Variants in PTN observed in about 807,000 individuals in gnomAD.
PTN encodes the protein heparin affin regulatory protein.
A neutral mutation model predicts 24.1 loss-of-function variants in PTN; 18 were observed. The ratio of observed to expected loss-of-function variants is 0.75; its 90% CI spans 0.52 to 1.11. The LOEUF (loss-of-function observed/expected upper bound fraction) is 1.11. PTN is among the 50% of genes least tolerant of loss of function. The pLI, the probability that PTN is intolerant of heterozygous loss-of-function variation, is 0.00. For synonymous variants in PTN, 78 were observed against 68.6 expected, an observed-to-expected ratio of 1.14 and a Z score of -0.67; for missense variants, 163 against 198.8, an observed-to-expected ratio of 0.82 and a Z score of 1.08.
chr7:137,300,953 C>T (rs765415470), intron 1 of PTN, among the ~76,000 whole-genome samples: 2 of 151,930 alleles, frequency 1.3e-5, no homozygotes, highest in Non-Finnish European at 2.9e-5. Context: ...CATCCTTCCA[C>T]CTCTACCTTA....
chr7:137,283,787 T>C (rs1809509265), intron 1 of PTN, among the ~76,000 whole-genome samples: 2 of 152,056 alleles, frequency 1.3e-5, no homozygotes, highest in Non-Finnish European at 2.9e-5. Context: ...TTCTGATCAC[T>C]CACTGTATCC....
chr7:137,283,074 TC>T (rs1274621673), intron 1 of PTN, among the ~76,000 whole-genome samples: 1 of 152,020 alleles, frequency 6.6e-6, no homozygotes, highest in East Asian at 1.9e-4. Flanking sequence ...CACTCCCACC[TC>T]CACTCCACAA....
chr7:137,309,430 A>T (rs1809945094), intron 1 of PTN, among the ~76,000 whole-genome samples: 1 of 152,080 alleles, frequency 6.6e-6, no homozygotes, highest in South Asian at 2.1e-4. Context: ...TGGCTGTGGC[A>T]ATTTCTTAAA....
At chr7:137,306,446 G>A (rs757191220) in intron 1 of PTN, among the ~76,000 whole-genome samples, 3 of 152,062 alleles carry the variant, frequency 2.0e-5, no homozygotes, top group Non-Finnish European at 4.4e-5. Flanking sequence ...TGGAGTGAGA[G>A]GCCATCCATA....
intron 1 of PTN, among the ~76,000 whole-genome samples, chr7:137,276,052 A>T (rs1809354626): frequency 6.6e-6 from 1 of 152,224 alleles, no homozygotes; most frequent in Admixed American, 6.5e-5. Context: ...TTTGGGAGGA[A>T]GTAACAAATA....
chr7:137,327,674 C>G (rs1420597371), intron 1 of PTN, among the ~76,000 whole-genome samples: 6 of 152,088 alleles, frequency 3.9e-5, no homozygotes, highest in African/African-American at 1.2e-4. Context: ...ATGCAGCCAC[C>G]CTTTTCCACT....
At chr7:137,278,270 G>A (rs1404414283) in intron 1 of PTN, among the ~76,000 whole-genome samples, 6 of 123,832 alleles carry the variant, frequency 4.8e-5, no homozygotes, top group African/African-American at 6.5e-5. Flanking sequence ...TCGCGCCACT[G>A]CACTCCAGCC....
intron 1 of PTN, among the ~76,000 whole-genome samples, chr7:137,317,627 G>A (rs1334812959): frequency 2.6e-5 from 4 of 152,208 alleles, no homozygotes; most frequent in Middle Eastern, 3.4e-3. Context: ...TATTTTGATC[G>A]TGTGTTTATT....
At chr7:137,312,428 A>T (rs1012282544) in intron 1 of PTN, among the ~76,000 whole-genome samples, 1 of 152,196 alleles carries the variant, frequency 6.6e-6, no homozygotes, top group African/African-American at 2.4e-5. Context: ...ATGCTCAAAG[A>T]CACACTATGC....
At chr7:137,236,297 C>T (rs999945601) in intron 4 of PTN, 1 of 701,520 alleles carries the variant, frequency 1.4e-6, no homozygotes, top group Admixed American at 2.0e-5. Context: ...AGGGCCCATT[C>T]AGGATGCACT....
chr7:137,247,265 T>A (rs1016165301), intron 4 of PTN, among the ~76,000 whole-genome samples: 1 of 152,152 alleles, frequency 6.6e-6, no homozygotes, highest in Non-Finnish European at 1.5e-5. Flanking sequence ...GGAAGCAACG[T>A]AAGTGGCCAT....
chr7:137,317,797 A>G (rs1023930063), intron 1 of PTN, among the ~76,000 whole-genome samples: 1 of 152,058 alleles, frequency 6.6e-6, no homozygotes, highest in Non-Finnish European at 1.5e-5. Context: ...TCTCTCAAAT[A>G]TTATAGTTTA....
intron 1 of PTN, among the ~76,000 whole-genome samples, chr7:137,323,160 G>T (rs1008434668): frequency 6.6e-6 from 1 of 152,120 alleles, no homozygotes; most frequent in Non-Finnish European, 1.5e-5. Flanking sequence ...ATTTATCATT[G>T]TGAGACAGGG....
intron 1 of PTN, among the ~76,000 whole-genome samples, chr7:137,314,018 T>C (rs1810027904): frequency 6.6e-6 from 1 of 152,102 alleles, no homozygotes; most frequent in South Asian, 2.1e-4. Context: ...ATCTCACCTA[T>C]TTTATTTTAT....
Position 137,301,129 on chromosome 7 carries a change from A to G in PTN, c.-2+42310T>C, listed in dbSNP as rs138963925. On this transcript the variant is annotated intron_variant, in intron 1 of 4. Coordinates refer to ENST00000348225, the MANE Select transcript of PTN (RefSeq NM_002825.7). ...TAGCTTCTGCTAACAACATCCTTAC[A>G]TGACTAGAGTCTCCTAAACAATTTG... is the stretch of plus-strand genomic sequence containing the variant. Among the ~76,000 whole-genome samples the G allele has an allele frequency of 2.9e-3, 443 of 152,158 alleles. 2 individuals carry two copies. The highest frequency in any genetic ancestry group is 0.01 in the African/African-American group (424 of 41,546).
rs73162498 is a variant in PTN, at chr7:137,254,830, C to T, written c.115+29G>A. The T allele has an allele frequency of 4.6e-3, 6,568 of 1,434,472 alleles. 15 individuals carry two copies. The highest frequency in any genetic ancestry group is 5.3e-3 in the Non-Finnish European group (5,527 of 1,049,076). The allele number at this position is 1,434,472 out of a possible 1,614,324, so 88.9% of individuals were successfully genotyped here. A position where few individuals can be genotyped will look rare whatever the true frequency, so the allele number is the denominator to read the frequency against. ...ACTAGATGGACATTAATCAATGAAG[C>T]ATCTTGCCTTCAGAACCCTACTGCT... On this transcript the variant is annotated intron_variant, in intron 2 of 4. Coordinates refer to ENST00000348225, the MANE Select transcript of PTN (RefSeq NM_002825.7).
chr7:137,340,778 C>A (rs1810520995), intron 1 of PTN, among the ~76,000 whole-genome samples: 1 of 152,204 alleles, frequency 6.6e-6, no homozygotes, highest in Admixed American at 6.5e-5. Context: ...CACTCAGCCT[C>A]ATGCTCCAGA....
chr7:137,326,520 A>C (rs1810265113), intron 1 of PTN: 1 of 152,198 alleles, frequency 6.6e-6, no homozygotes, highest in Non-Finnish European at 1.5e-5. Flanking sequence ...TTATTTATTC[A>C]TTCATCTGTT....
intron 4 of PTN, among the ~76,000 whole-genome samples, chr7:137,240,747 G>A (rs183329741): frequency 6.6e-6 from 1 of 152,296 alleles, no homozygotes; most frequent in Non-Finnish European, 1.5e-5. Flanking sequence ...CTGCTAAGGA[G>A]TCAGGGTGGG....
Sources: allele counts gnomAD v4.1 joint callset (sites outside exome capture counted in the v4.1 genomes callset), GRCh38; gene constraint gnomAD v4.1.1; transcripts MANE v1.5; gene names NCBI Gene and HGNC (gene_info 2026-07-23, HGNC 2026-07-21).